The following NAV2 variants were observed in gnomAD, a reference collection of about 807,000 sequenced individuals.
NAV2 encodes the protein helicase, APC down-regulated 1.
NAV2 carries 54 observed loss-of-function variants against 223.2 expected under a neutral mutation model. The observed-to-expected ratio is 0.24, with a 90% CI of 0.19 to 0.30. The LOEUF is 0.30. NAV2 is among the 10% of genes least tolerant of loss of function. NAV2 has a pLI of 1.00. For missense variants in NAV2, 2,806 were observed against 3,147.5 expected (o/e 0.89, Z 2.60); for synonymous variants, 1,279 against 1,239.3 (o/e 1.03, Z -0.67).
intron 1 of NAV2, among the ~76,000 whole-genome samples, chr11:19,658,093 A>G (rs781399825): frequency 5.3e-5 from 8 of 152,126 alleles, no homozygotes; most frequent in Admixed American, 1.3e-4. Context: ...AATATATTTT[A>G]CTCTGTGCTA....
rs114119031 is a variant in NAV2, at chr11:19,450,243, C to T, written c.75+99216C>T. Among the ~76,000 whole-genome samples, 277 of 152,296 alleles carry T rather than the reference C, an allele frequency of 1.8e-3. 1 individual carries two copies. Among genetic ancestry groups the T allele is most frequent in the African/African-American group, 6.3e-3 (262 of 41,558 alleles). On this transcript the variant is annotated intron_variant, in intron 1 of 37. Coordinates refer to the NAV2 transcript ENST00000360655. ...AGTGGCTCAACACCTAATTTCCCTG[C>T]ACAGCGTATGATTTGACTCCTCAGT...
Position 19,700,737 on chromosome 11 carries a change from A to G in NAV2, c.76-131747A>G, listed in dbSNP as rs149300455. On this transcript the variant is annotated intron_variant, in intron 1 of 37. Coordinates refer to the NAV2 transcript ENST00000360655. ...TGGCCCCAAACATCTAAAGGGGTCT[A>G]AGATGTCTTACCTGCTAACATAGCA... 5.4e-3 allele frequency among the ~76,000 whole-genome samples: 827 copies of G among 152,330 alleles called. 5 individuals carry two copies. The highest frequency in any genetic ancestry group is 0.019 in the African/African-American group (784 of 41,570).
chr11:20,091,084 C>A, intron 27 of NAV2, 66 bp downstream of exon 27: 1 of 1,558,006 alleles, frequency 6.4e-7, no homozygotes. Context: ...AGGCTGCTCT[C>A]CACTAAGCCC....
chr11:19,717,367 G>A (rs140557515), intron 1 of NAV2, among the ~76,000 whole-genome samples: 1 of 152,248 alleles, frequency 6.6e-6, no homozygotes, highest in Non-Finnish European at 1.5e-5. Flanking sequence ...CATGCTTGGG[G>A]CTGGGTATCC....
At chr11:19,371,989 G>T (rs1490714315) in intron 1 of NAV2, among the ~76,000 whole-genome samples, 1 of 152,054 alleles carries the variant, frequency 6.6e-6, no homozygotes, top group Non-Finnish European at 1.5e-5. Flanking sequence ...ATGTTGGCCA[G>T]GCTGGTCTGG....
chr11:19,897,960 C>G lies in NAV2; in HGVS notation c.931+5366C>G, dbSNP rs910100409. ...TCACTTCTGTTGACTCCAAGTGGCC[C>G]TAGGGCTCCAGACCAGAATCACAGA... On this transcript the variant is annotated intron_variant, in intron 6 of 37. Coordinates refer to ENST00000349880, the MANE Select transcript of NAV2 (RefSeq NM_145117.5). 9.4e-5 allele frequency among the ~76,000 whole-genome samples: 14 copies of G among 148,962 alleles called. No homozygotes were observed. The East Asian group carries it at 3.0e-3, about 31-fold the overall frequency.
chr11:19,943,840 A>T, intron 8 of NAV2, among the ~76,000 whole-genome samples: 1 of 152,148 alleles, frequency 6.6e-6, no homozygotes, highest in Non-Finnish European at 1.5e-5. Context: ...GGGAGAAAAT[A>T]TATAATTCTA....
chr11:19,552,912 G>A (rs958316808), intron 1 of NAV2, among the ~76,000 whole-genome samples: 2 of 151,664 alleles, frequency 1.3e-5, no homozygotes, highest in Non-Finnish European at 2.9e-5. Context: ...AAGGGGGGGA[G>A]CTGGATGGGA....
chr11:19,764,268 A>G (rs1327424744), intron 1 of NAV2, among the ~76,000 whole-genome samples: 1 of 152,234 alleles, frequency 6.6e-6, no homozygotes, highest in African/African-American at 2.4e-5. Context: ...TTTATAATTA[A>G]GTACTGCATA....
At chr11:19,830,984 A>G (rs1044290712) in intron 1 of NAV2, among the ~76,000 whole-genome samples, 1 of 151,944 alleles carries the variant, frequency 6.6e-6, no homozygotes, top group Non-Finnish European at 1.5e-5. Context: ...GTGTTGTGAA[A>G]TAGAAGGTCA....
chr11:19,561,627 G>T (rs1162832545), intron 1 of NAV2, among the ~76,000 whole-genome samples: 3 of 152,098 alleles, frequency 2.0e-5, no homozygotes, highest in African/African-American at 7.2e-5. Flanking sequence ...TGTGTTTGGG[G>T]ACTCCCTGAG....
chr11:19,928,221 A>G (rs1326260974), intron 6 of NAV2, among the ~76,000 whole-genome samples: 1 of 150,962 alleles, frequency 6.6e-6, no homozygotes, highest in Non-Finnish European at 1.5e-5. Context: ...TTTTATTTGT[A>G]TTTTCCTTAA....
chr11:19,441,872 G>A (rs1851415977), intron 1 of NAV2, among the ~76,000 whole-genome samples: 1 of 152,168 alleles, frequency 6.6e-6, no homozygotes, highest in South Asian at 2.1e-4. Context: ...TATTCAATTT[G>A]GTCTGGGAGC....
At chr11:20,106,444 C>A (rs1486409466) in intron 35 of NAV2, among the ~76,000 whole-genome samples, 7 of 143,628 alleles carry the variant, frequency 4.9e-5, no homozygotes, top group Non-Finnish European at 9.1e-5. Flanking sequence ...CCTGTAATCC[C>A]AGCTACTCAG....
intron 1 of NAV2, among the ~76,000 whole-genome samples, chr11:19,832,224 T>C (rs912134719): frequency 2.6e-5 from 4 of 152,232 alleles, no homozygotes; most frequent in Admixed American, 6.5e-5. Flanking sequence ...GTGTCCCCTG[T>C]CTCATTCAGC....
chr11:19,929,471 A>G (rs1309479855), intron 6 of NAV2, among the ~76,000 whole-genome samples: 1 of 152,172 alleles, frequency 6.6e-6, no homozygotes, highest in Non-Finnish European at 1.5e-5. Flanking sequence ...CAGATGCCCT[A>G]GTGCCCCCTA....
chr11:19,465,279 T>C (rs990882637), intron 1 of NAV2, among the ~76,000 whole-genome samples: 1 of 152,200 alleles, frequency 6.6e-6, no homozygotes, highest in Non-Finnish European at 1.5e-5. Flanking sequence ...GACAGCCCCC[T>C]GCTAGAGGAG....
chr11:19,347,889 G>A (rs1191637748), upstream of NAV2, among the ~76,000 whole-genome samples: 3 of 152,208 alleles, frequency 2.0e-5, no homozygotes, highest in Non-Finnish European at 4.4e-5. Context: ...CTCTCTTGAA[G>A]TCCCCTCTGC....
At chr11:19,494,358 C>T (rs1291064819) in intron 1 of NAV2, among the ~76,000 whole-genome samples, 1 of 152,186 alleles carries the variant, frequency 6.6e-6, no homozygotes, top group Non-Finnish European at 1.5e-5. Flanking sequence ...TTTTCTTTCC[C>T]CCTAGGCCCC....
Sources: allele counts gnomAD v4.1 joint callset (sites outside exome capture counted in the v4.1 genomes callset), GRCh38; gene constraint gnomAD v4.1.1; transcripts MANE v1.5; gene names NCBI Gene and HGNC (gene_info 2026-07-23, HGNC 2026-07-21).